The following STK32B variants were observed in gnomAD, a reference collection of about 807,000 sequenced individuals.
The protein encoded by STK32B is serine/threonine-protein kinase 32B.
Under a neutral mutation model 52.6 loss-of-function variants are expected in STK32B, and 43 were observed. The observed-to-expected ratio is 0.82, with a 90% CI of 0.64 to 1.05. The LOEUF (loss-of-function observed/expected upper bound fraction) is 1.05. Ranked by LOEUF, STK32B falls within the 50% of genes least tolerant of loss-of-function variation. The pLI is 0.00. For missense variants in STK32B, 621 were observed against 534.6 expected, an observed-to-expected ratio of 1.16 and a Z score of -1.59; for synonymous variants, 238 against 204.3, an observed-to-expected ratio of 1.17 and a Z score of -1.41.
chr4:5,444,512 A>G (rs1715192035), intron 6 of STK32B, among the ~76,000 whole-genome samples: 2 of 152,106 alleles, frequency 1.3e-5, no homozygotes, highest in Non-Finnish European at 1.5e-5. Context: ...GGCACTCCCT[A>G]GTGAGATGAA....
chr4:5,245,571 C>T (rs1725383789), intron 3 of STK32B, among the ~76,000 whole-genome samples: 1 of 152,122 alleles, frequency 6.6e-6, no homozygotes, highest in South Asian at 2.1e-4. Flanking sequence ...AGCCCATTTA[C>T]ATTTAAGGTT....
rs1409003724 is a variant in STK32B, at chr4:5,159,747, G to T, written c.109-8552G>T. On this transcript the variant is annotated intron_variant, in intron 2 of 11. Transcript: ENST00000282908. ...TATATGAATATATATATGAATATATGAATGTATATGAATATATATATGAAT... is the reference window on the plus strand; with the variant it reads ...TATATGAATATATATATGAATATATTAATGTATATGAATATATATATGAAT... 2.2e-5 allele frequency among the ~76,000 whole-genome samples: 3 copies of T among 133,740 alleles called. 1 individual carries two copies. The highest frequency in any genetic ancestry group is 4.6e-5 in the Non-Finnish European group (3 of 64,600). The allele number at this position is 133,740 out of a possible 152,430, so 87.7% of individuals were successfully genotyped here.
At chr4:5,489,231 C>T (rs1225901939) in intron 11 of STK32B, among the ~76,000 whole-genome samples, 1 of 152,112 alleles carries the variant, frequency 6.6e-6, no homozygotes, top group Admixed American at 6.6e-5. Flanking sequence ...TTTTTAATAG[C>T]TTACCTAAAT....
chr4:5,248,026 A>C (rs1029384675), intron 3 of STK32B, among the ~76,000 whole-genome samples: 2 of 151,378 alleles, frequency 1.3e-5, no homozygotes, highest in Non-Finnish European at 2.9e-5. Context: ...CTTATTTTCA[A>C]CTCTTCATTA....
chr4:5,494,389 G>T (rs1422238454), intron 11 of STK32B, among the ~76,000 whole-genome samples: 1 of 151,030 alleles, frequency 6.6e-6, no homozygotes, highest in Non-Finnish European at 1.5e-5. Context: ...CAGAGATTGG[G>T]ATTGCAACCC....
At position 5,077,697 on chromosome 4, in the gene STK32B, G is replaced by A. The variant is rs74504300; in HGVS notation, c.52+25782G>A. Among the ~76,000 whole-genome samples the A allele has an allele frequency of 5.2e-3, 797 of 152,104 alleles. 7 individuals carry two copies. Among genetic ancestry groups the A allele is most frequent in the African/African-American group, 0.017 (705 of 41,506 alleles). Reference sequence around the variant, plus strand: ...AGCTTTATATAACAACTCCAGTACCGTGCAATCCATAGCAAAGAGGCTGCG... The same window carrying A: ...AGCTTTATATAACAACTCCAGTACCATGCAATCCATAGCAAAGAGGCTGCG... On this transcript the variant is annotated intron_variant, in intron 1 of 11. Coordinates refer to ENST00000282908, the MANE Select transcript of STK32B (RefSeq NM_018401.3).
chr4:5,183,477 CA>C (rs199998898), intron 3 of STK32B, among the ~76,000 whole-genome samples: 4,797 of 109,424 alleles, frequency 0.044, 131 homozygotes, highest in African/African-American at 0.087. Flanking sequence ...AACTCCATCT[CA>C]AAAAAAAAAA....
chr4:5,275,476 AAGG>A (rs1359330991), intron 3 of STK32B, among the ~76,000 whole-genome samples: 2 of 151,946 alleles, frequency 1.3e-5, no homozygotes, highest in Non-Finnish European at 2.9e-5. Flanking sequence ...CAGGGAAGAG[AAGG>A]AGAAGAAGCT....
intron 3 of STK32B, among the ~76,000 whole-genome samples, chr4:5,261,041 A>G (rs1726677887): frequency 6.6e-6 from 1 of 152,160 alleles, no homozygotes; most frequent in African/African-American, 2.4e-5. Flanking sequence ...ACGTTGGTCA[A>G]GGCGGCTCTT....
At chr4:5,319,096 G>T (rs566368170) in intron 3 of STK32B, among the ~76,000 whole-genome samples, 1 of 152,204 alleles carries the variant, frequency 6.6e-6, no homozygotes, top group South Asian at 2.1e-4. Context: ...GAGCCACCAC[G>T]CCTGGCTAAA....
At chr4:5,457,111 C>T (rs1356064830) in intron 8 of STK32B, among the ~76,000 whole-genome samples, 188 bp downstream of exon 8, 1 of 152,038 alleles carries the variant, frequency 6.6e-6, no homozygotes, top group Non-Finnish European at 1.5e-5. Context: ...ATCAGCACAC[C>T]TCGGAGGACT....
At chr4:5,110,972 GAAA>G (rs112996629) in intron 1 of STK32B, among the ~76,000 whole-genome samples, 1 of 144,938 alleles carries the variant, frequency 6.9e-6, no homozygotes. Flanking sequence ...ATACATTTTT[GAAA>G]AAAAAAAGAA....
In STK32B at chr4:5,169,992, C is replaced by T. The variant is rs557106739; in HGVS notation, c.260+1542C>T. On this transcript the variant is annotated intron_variant, in intron 3 of 11. Transcript: ENST00000282908. ...TTCCATTTTCTGAATTAATATCTGG[C>T]GGGAGCGCTACCTCCTTGTTACTGC... 9.2e-5 allele frequency among the ~76,000 whole-genome samples: 14 copies of T among 152,142 alleles called. No homozygotes were observed. In the East Asian group the frequency reaches 1.9e-3, roughly 21 times the overall value.
At position 5,386,320 on chromosome 4, in the gene STK32B, A is replaced by C. The variant is rs1577428018; in HGVS notation, c.435-11887A>C. On this transcript the variant is annotated intron_variant, in intron 4 of 11. Transcript: ENST00000282908. This position sits in a 1 kb window ranked among gnomAD's most constrained non-coding sequence, Gnocchi z 4.5. The stretch of plus-strand genomic sequence containing the variant: ...CAGTAAGTATATGTTGAATGCTGGA[A>C]AGAGCTCCCGGCTGGTGTGAGTCCA... Among the ~76,000 whole-genome samples the C allele has an allele frequency of 1.3e-5, 2 of 152,234 alleles. No individual in the cohort carries two copies. The highest frequency in any genetic ancestry group is 4.1e-4 in the South Asian group (2 of 4,820).
chr4:5,173,659 G>T (rs1199426560), intron 3 of STK32B, among the ~76,000 whole-genome samples: 5 of 152,188 alleles, frequency 3.3e-5, no homozygotes, highest in Non-Finnish European at 5.9e-5. Flanking sequence ...TTGCACTGTG[G>T]TCTGAGAGAC....
intron 1 of STK32B, among the ~76,000 whole-genome samples, chr4:5,064,054 G>C (rs1484858061): frequency 6.6e-6 from 1 of 151,640 alleles, no homozygotes; most frequent in African/African-American, 2.4e-5. Flanking sequence ...ACATTTCTTT[G>C]TCAGTTATGT....
chr4:5,043,602 G>A, the STK32B span, among the ~76,000 whole-genome samples: 1 of 152,202 alleles, frequency 6.6e-6, no homozygotes, highest in Non-Finnish European at 1.5e-5. Context: ...GGCCAGGAGG[G>A]CCGTTTTGCT....
chr4:5,360,900 G>A (rs28648476), intron 4 of STK32B, among the ~76,000 whole-genome samples: 1 of 152,066 alleles, frequency 6.6e-6, no homozygotes, highest in South Asian at 2.1e-4. Flanking sequence ...AGAGTATTAA[G>A]TCCATTGTCA....
At chr4:5,339,397 G>A (rs1261886277) in intron 4 of STK32B, among the ~76,000 whole-genome samples, 1 of 152,192 alleles carries the variant, frequency 6.6e-6, no homozygotes, top group East Asian at 1.9e-4. Context: ...AGAGATTTGA[G>A]TCAGCGTTTT....
Sources: gnomAD v4.1 joint callset for allele counts (sites outside exome capture counted in the v4.1 genomes callset) on GRCh38, gnomAD v4.1.1 for gene constraint, Gnocchi (gnomAD v3.1) non-coding constraint, MANE v1.5 for transcripts, NCBI Gene and HGNC (gene_info 2026-07-23, HGNC 2026-07-21) for gene names.